CTNNA3: variants seen among roughly 807,000 people sequenced by gnomAD.
CTNNA3 encodes the protein catenin alpha 3.
A neutral mutation model predicts 95.7 loss-of-function variants in CTNNA3; 76 were observed. The ratio of observed to expected loss-of-function variants is 0.79; its 90% CI spans 0.66 to 0.96. The LOEUF (loss-of-function observed/expected upper bound fraction) is 0.96. Among genes scored for constraint, CTNNA3 ranks in the 40% least tolerant of loss-of-function variants. The probability of loss-of-function intolerance (pLI) is 0.00; values close to 1 mark genes in which losing one functional copy is unlikely to be tolerated. For missense variants in CTNNA3, 1,191 were observed against 1,089.8 expected (o/e 1.09, Z -1.31); for synonymous variants, 431 against 374.4 (o/e 1.15, Z -1.74).
At chr10:66,301,197 C>G (rs1241290521) in intron 12 of CTNNA3, among the ~76,000 whole-genome samples, 1 of 151,950 alleles carries the variant, frequency 6.6e-6, no homozygotes, top group East Asian at 1.9e-4. Context: ...ACTTCCAAAA[C>G]AGAAAGAACC....
At chr10:66,860,624 C>G (rs1451845741) in intron 7 of CTNNA3, among the ~76,000 whole-genome samples, 2 of 152,062 alleles carry the variant, frequency 1.3e-5, no homozygotes, top group African/African-American at 4.8e-5. Flanking sequence ...TATAAGCGGC[C>G]CTCACCTTTT....
At chr10:66,294,509 G>A (rs1327821919) in intron 12 of CTNNA3, among the ~76,000 whole-genome samples, 1 of 152,188 alleles carries the variant, frequency 6.6e-6, no homozygotes, top group African/African-American at 2.4e-5. Context: ...TCTACATTAT[G>A]AATATAGAAG....
intron 12 of CTNNA3, among the ~76,000 whole-genome samples, chr10:66,354,310 AC>A (rs2092591745): frequency 1.0e-5 from 1 of 99,504 alleles, no homozygotes; most frequent in South Asian, 3.3e-4. Context: ...AAGTCTATGA[AC>A]ACTAAAAAAA....
intron 13 of CTNNA3, among the ~76,000 whole-genome samples, chr10:66,114,555 G>A (rs1448525212): frequency 6.6e-6 from 1 of 151,620 alleles, no homozygotes; most frequent in African/African-American, 2.4e-5. Flanking sequence ...GTCCGTGTAT[G>A]TGTGTGAGAA....
At chr10:67,232,126 G>A (rs1327308292) in intron 5 of CTNNA3, among the ~76,000 whole-genome samples, 4 of 152,004 alleles carry the variant, frequency 2.6e-5, no homozygotes, top group East Asian at 1.9e-4. Flanking sequence ...ATCTAGCAAG[G>A]CAGGCCAACA....
At chr10:66,003,816 C>T (rs2078824025) in intron 15 of CTNNA3, among the ~76,000 whole-genome samples, 1 of 152,106 alleles carries the variant, frequency 6.6e-6, no homozygotes, top group South Asian at 2.1e-4. Context: ...GCTGCAATTG[C>T]TTACTTTTCT....
At chr10:66,407,443 A>T (rs1283113995) in intron 11 of CTNNA3, among the ~76,000 whole-genome samples, 2 of 152,132 alleles carry the variant, frequency 1.3e-5, no homozygotes, top group Admixed American at 6.6e-5. Context: ...ATAATAATTT[A>T]AAAACTCTGA....
chr10:66,446,513 G>A (rs2131809119), intron 11 of CTNNA3, among the ~76,000 whole-genome samples: 1 of 151,098 alleles, frequency 6.6e-6, no homozygotes, highest in African/African-American at 2.5e-5. Flanking sequence ...TGCAAGGCTG[G>A]TTTAACATTC....
chr10:66,826,236 C>T (rs1257552222), intron 7 of CTNNA3, among the ~76,000 whole-genome samples: 1 of 152,108 alleles, frequency 6.6e-6, no homozygotes, highest in African/African-American at 2.4e-5. Context: ...GAGCAATAAA[C>T]CTGCTAAACA....
intron 2 of CTNNA3, among the ~76,000 whole-genome samples, chr10:67,640,594 A>C (rs1839495040): frequency 6.6e-6 from 1 of 152,218 alleles, no homozygotes; most frequent in Non-Finnish European, 1.5e-5. Flanking sequence ...ACACTACCTG[A>C]CTTCAAACTA....
intron 10 of CTNNA3, among the ~76,000 whole-genome samples, chr10:66,597,177 G>T (rs1843738680): frequency 6.6e-6 from 1 of 151,768 alleles, no homozygotes; most frequent in Non-Finnish European, 1.5e-5. Context: ...GGGAATTATG[G>T]GATTCCATCA....
intron 7 of CTNNA3, among the ~76,000 whole-genome samples, chr10:67,023,834 C>A (rs1853182897): frequency 6.6e-6 from 1 of 152,128 alleles, no homozygotes. Context: ...AGGAGTTTTA[C>A]AATTTTGCTA....
intron 10 of CTNNA3, among the ~76,000 whole-genome samples, chr10:66,533,935 C>T (rs565020434): frequency 5.3e-5 from 8 of 152,150 alleles, no homozygotes; most frequent in African/African-American, 1.9e-4. Flanking sequence ...TTTTAATGTA[C>T]GTATCATTTT....
chr10:66,296,338 T>C (rs2091776241), intron 12 of CTNNA3, among the ~76,000 whole-genome samples: 1 of 152,152 alleles, frequency 6.6e-6, no homozygotes, highest in Non-Finnish European at 1.5e-5. Flanking sequence ...TGATTATAAC[T>C]ATAAAGGAAT....
At position 67,596,619 on chromosome 10, in the gene CTNNA3, G is replaced by A. The variant is rs530547675; in HGVS notation, c.292+10238C>T. Among the ~76,000 whole-genome samples the A allele has an allele frequency of 2.0e-5, 3 of 152,292 alleles. No homozygotes were observed. In the East Asian group the frequency reaches 5.8e-4, roughly 29 times the overall value. On this transcript the variant is annotated intron_variant, in intron 3 of 17. Coordinates refer to ENST00000433211, the MANE Select transcript of CTNNA3 (RefSeq NM_013266.4). ...CCTGTAGTCTCTTCCAGATTCTAGG[G>A]TTTCTGCTGAAAGGTCCACTATTAG...
At chr10:66,649,633 C>T (rs1225287964) in intron 9 of CTNNA3, among the ~76,000 whole-genome samples, 1 of 152,188 alleles carries the variant, frequency 6.6e-6, no homozygotes, top group Non-Finnish European at 1.5e-5. Flanking sequence ...GACTAAGCTT[C>T]CAGGCCCACC....
At chr10:66,950,730 A>G (rs967565907) in intron 7 of CTNNA3, among the ~76,000 whole-genome samples, 2 of 152,210 alleles carry the variant, frequency 1.3e-5, no homozygotes, top group African/African-American at 2.4e-5. Flanking sequence ...AGCTACATGC[A>G]AAACATTTAT....
At chr10:66,161,298 T>C (rs1183873587) in intron 13 of CTNNA3, among the ~76,000 whole-genome samples, 1 of 152,204 alleles carries the variant, frequency 6.6e-6, no homozygotes, top group Admixed American at 6.5e-5. Flanking sequence ...AGGTCCTGTG[T>C]GATTTATGGT....
intron 5 of CTNNA3, among the ~76,000 whole-genome samples, chr10:67,260,220 G>A (rs556708849): frequency 2.2e-4 from 34 of 152,294 alleles, no homozygotes; most frequent in Non-Finnish European, 3.4e-4. Flanking sequence ...GAGAAGGAAA[G>A]AGTGGGCAAG....
Sources: gnomAD v4.1 joint callset for allele counts (sites outside exome capture counted in the v4.1 genomes callset) on GRCh38, gnomAD v4.1.1 for gene constraint, MANE v1.5 for transcripts, NCBI Gene and HGNC (gene_info 2026-07-23, HGNC 2026-07-21) for gene names.